The following FLI1 variants were observed in gnomAD, a reference collection of about 807,000 sequenced individuals.
FLI1 encodes Fli-1 proto-oncogene, ETS transcription factor.
FLI1 carries 13 observed loss-of-function variants against 53.1 expected under a neutral mutation model. The ratio of observed to expected loss-of-function variants is 0.24; its 90% CI spans 0.16 to 0.39. FLI1 has a LOEUF of 0.39. Among genes scored for constraint, FLI1 ranks in the 10% least tolerant of loss-of-function variants. FLI1 has a pLI of 1.00. For synonymous variants in FLI1, 244 were observed against 236.7 expected, an observed-to-expected ratio of 1.03 and a Z score of -0.28; for missense variants, 424 against 600.5, an observed-to-expected ratio of 0.71 and a Z score of 3.07.
In FLI1 at chr11:128,782,005, C is replaced by A. The variant is rs770055770; in HGVS notation, c.637C>A (p.Arg213=). Residue 213 remains arginine, a synonymous_variant, in exon 5 of 9, where the codon CGA becomes AGA. Coordinates refer to ENST00000527786, the MANE Select transcript of FLI1 (RefSeq NM_002017.5). ...NTTSHTDQSS[R]LSVKEDPSYD... Reference sequence around the variant, plus strand: ...AACCTCCCACACCGACCAATCCTCACGATTGAGTGTCAAAGAAGGTAAGTT... The same window carrying A: ...AACCTCCCACACCGACCAATCCTCAAGATTGAGTGTCAAAGAAGGTAAGTT... 1 of 1,613,696 alleles carries A rather than the reference C, an allele frequency of 6.2e-7. No individual in the cohort carries two copies. Among genetic ancestry groups the A allele is most frequent in the Non-Finnish European group, 8.5e-7 (1 of 1,179,622 alleles).
chr11:128,685,280 C>T (rs1297561632), upstream of FLI1, among the ~76,000 whole-genome samples: 4 of 152,214 alleles, frequency 2.6e-5, no homozygotes, highest in Non-Finnish European at 5.9e-5. Context: ...GTTCTGGGAG[C>T]TCTGGGCACA....
At chr11:128,720,476 G>C (rs1939206796) in intron 1 of FLI1, among the ~76,000 whole-genome samples, 1 of 152,124 alleles carries the variant, frequency 6.6e-6, no homozygotes, top group Non-Finnish European at 1.5e-5. Flanking sequence ...AGTCCCCCTA[G>C]AGTCATAAAA....
intron 1 of FLI1, among the ~76,000 whole-genome samples, chr11:128,725,533 G>A (rs1014591232): frequency 1.4e-4 from 22 of 152,188 alleles, no homozygotes; most frequent in Non-Finnish European, 2.5e-4. Context: ...CCTTAAATGT[G>A]TCTAGGAACC....
intron 1 of FLI1, among the ~76,000 whole-genome samples, chr11:128,729,224 T>C (rs1225360122): frequency 1.3e-5 from 2 of 152,068 alleles, no homozygotes; most frequent in Non-Finnish European, 2.9e-5. Flanking sequence ...GGGGGAGAGA[T>C]TAATGGAGCG....
At chr11:128,687,874 G>A (rs1210777151) in intron 1 of FLI1, among the ~76,000 whole-genome samples, 3 of 152,206 alleles carry the variant, frequency 2.0e-5, no homozygotes, top group Admixed American at 2.0e-4. Context: ...GCCTGAGTGA[G>A]TGAATGAATG....
upstream of FLI1, among the ~76,000 whole-genome samples, chr11:128,689,826 G>A (rs926579028): frequency 9.2e-5 from 14 of 152,312 alleles, no homozygotes; most frequent in East Asian, 2.7e-3. Flanking sequence ...TGGTCTGGGG[G>A]CTCGGAGACC....
At chr11:128,761,011 C>T (rs1353139206) in intron 2 of FLI1, among the ~76,000 whole-genome samples, 2 of 152,210 alleles carry the variant, frequency 1.3e-5, no homozygotes, top group African/African-American at 4.8e-5. Context: ...ATGCTTTCCT[C>T]GTTTGTAATC....
intron 2 of FLI1, among the ~76,000 whole-genome samples, chr11:128,766,654 C>T (rs957858493): frequency 3.3e-5 from 5 of 151,880 alleles, no homozygotes; most frequent in African/African-American, 1.2e-4. Flanking sequence ...GATCTCCCTT[C>T]TCCTGGGTTA....
At chr11:128,693,813 C>G (rs1937871503), upstream of FLI1, 1 of 227,580 alleles carries the variant, frequency 4.4e-6, no homozygotes, top group East Asian at 6.3e-5. Context: ...TGTGTCTGGG[C>G]ATCTCCGCGT....
chr11:128,778,497 G>C (rs1941812781), intron 4 of FLI1, among the ~76,000 whole-genome samples: 1 of 152,234 alleles, frequency 6.6e-6, no homozygotes, highest in Admixed American at 6.5e-5. Context: ...AATAGACCAC[G>C]ATGGGGCTCC....
intron 1 of FLI1, among the ~76,000 whole-genome samples, chr11:128,725,535 C>G (rs1363083437): frequency 6.6e-6 from 1 of 152,194 alleles, no homozygotes; most frequent in African/African-American, 2.4e-5. Context: ...TTAAATGTGT[C>G]TAGGAACCTT....
chr11:128,789,857 A>G (rs909870384), intron 5 of FLI1, among the ~76,000 whole-genome samples: 2 of 152,190 alleles, frequency 1.3e-5, no homozygotes, highest in African/African-American at 4.8e-5. Flanking sequence ...TAGGGAGTAA[A>G]TAACATCTCT....
chr11:128,773,462 A>C (rs923881174), intron 4 of FLI1, among the ~76,000 whole-genome samples: 2 of 151,940 alleles, frequency 1.3e-5, no homozygotes, highest in Non-Finnish European at 2.9e-5. Context: ...CCCATTTGAC[A>C]GGGCTGCTAT....
chr11:128,694,052 AG>A (rs1181992571), upstream of FLI1: 1 of 429,832 alleles, frequency 2.3e-6, no homozygotes, highest in Non-Finnish European at 4.2e-6. Context: ...CTGAAAAAAA[AG>A]TTTCATCCGG....
upstream of FLI1, chr11:128,693,340 G>A (rs1443079902): frequency 6.6e-6 from 1 of 152,388 alleles, no homozygotes; most frequent in East Asian, 1.9e-4. Flanking sequence ...AATCCGCTTC[G>A]ATGAGTGGGT....
At chr11:128,720,032 A>G (rs914254717) in intron 1 of FLI1, among the ~76,000 whole-genome samples, 16 of 152,220 alleles carry the variant, frequency 1.1e-4, no homozygotes, top group African/African-American at 3.4e-4. Flanking sequence ...GAAAATTTCA[A>G]AATAAGAATG....
chr11:128,709,334 A>G (rs896990383), intron 1 of FLI1, among the ~76,000 whole-genome samples: 5 of 152,358 alleles, frequency 3.3e-5, no homozygotes, highest in Non-Finnish European at 7.3e-5. Context: ...ATGCATGAAT[A>G]TAACAGATAA....
chr11:128,732,644 G>A (rs985026670), intron 1 of FLI1, among the ~76,000 whole-genome samples: 1 of 152,174 alleles, frequency 6.6e-6, no homozygotes, highest in African/African-American at 2.4e-5. Context: ...GCCTGGGATT[G>A]GAGAAGTCAA....
At chr11:128,724,732 A>C (rs1047546321) in intron 1 of FLI1, among the ~76,000 whole-genome samples, 1 of 152,178 alleles carries the variant, frequency 6.6e-6, no homozygotes, top group Non-Finnish European at 1.5e-5. Flanking sequence ...AAATGGGTGC[A>C]TGGTTCTAGG....
Sources: gnomAD v4.1 joint callset for allele counts (sites outside exome capture counted in the v4.1 genomes callset) on GRCh38, gnomAD v4.1.1 for gene constraint, MANE v1.5 for transcripts, NCBI Gene and HGNC (gene_info 2026-07-23, HGNC 2026-07-21) for gene names.